The following GRIK3 variants were observed in gnomAD, a reference collection of about 807,000 sequenced individuals.
GRIK3 encodes the protein glutamate receptor ionotropic, kainate 3.
In GRIK3, 29 loss-of-function variants were observed where a neutral mutation model predicts 102.5. That is an observed-to-expected ratio of 0.28 (90% confidence interval 0.21 to 0.39). GRIK3 has a LOEUF of 0.39. Among genes scored for constraint, GRIK3 ranks in the 10% least tolerant of loss-of-function variants. The probability of loss-of-function intolerance (pLI) is 1.00; values close to 1 mark genes in which losing one functional copy is unlikely to be tolerated. For synonymous variants in GRIK3, 511 were observed against 504.9 expected (o/e 1.01, Z -0.16); for missense variants, 908 against 1,252.4 (o/e 0.73, Z 4.15).
Position 36,825,834 on chromosome 1 carries a change from C to A in GRIK3, c.1531-8G>T, listed in dbSNP as rs1209206782. On this transcript the variant is annotated splice_polypyrimidine_tract_variant and splice_region_variant and intron_variant, in intron 10 of 15. Transcript: ENST00000373091. Reference sequence around the variant, plus strand: ...CACGGCCAGATCTGCCTTCTGCAACCAGACAGAGAGAGAAAGACAGACTAT... The same window carrying A: ...CACGGCCAGATCTGCCTTCTGCAACAAGACAGAGAGAGAAAGACAGACTAT... 6.3e-7 allele frequency: 1 copy of A among 1,592,028 alleles called. No homozygotes were observed. The highest frequency in any genetic ancestry group is 1.3e-5 in the African/African-American group (1 of 74,260).
intron 1 of GRIK3, among the ~76,000 whole-genome samples, chr1:37,008,113 G>A (rs1272363069): frequency 6.6e-6 from 1 of 152,194 alleles, no homozygotes; most frequent in Non-Finnish European, 1.5e-5. Flanking sequence ...AGCACGCGGA[G>A]GGGCCTGGTT....
chr1:36,843,964 G>A (rs1393131671), intron 9 of GRIK3, among the ~76,000 whole-genome samples: 1 of 152,244 alleles, frequency 6.6e-6, no homozygotes, highest in Non-Finnish European at 1.5e-5. Context: ...GAGCCCCAGG[G>A]TGGGATGGGC....
intron 7 of GRIK3, among the ~76,000 whole-genome samples, chr1:36,856,409 C>T (rs1235960836): frequency 6.6e-6 from 1 of 152,240 alleles, no homozygotes; most frequent in Non-Finnish European, 1.5e-5. Flanking sequence ...AGCCACCGCT[C>T]AGGACTTGCT....
In GRIK3 at chr1:36,819,992, G is replaced by C; in HGVS notation, c.1755-138C>G. 1 of 603,916 alleles carries C rather than the reference G, an allele frequency of 1.7e-6. No individual in the cohort carries two copies. Among genetic ancestry groups the C allele is most frequent in the South Asian group, 2.1e-5 (1 of 48,640 alleles). The allele number at this position is 603,916 out of a possible 1,614,324, so 37.4% of individuals were successfully genotyped here. ...ATGGTTCTGCTGGGAGGCAGGGCAG[G>C]GGAATTTCTTCTTGTTCTTTATTGT... On this transcript the variant is annotated intron_variant, in intron 11 of 15. Coordinates refer to ENST00000373091, the MANE Select transcript of GRIK3 (RefSeq NM_000831.4). The surrounding 1 kb of genome is among the most constrained non-coding windows in gnomAD (Gnocchi z 4.1).
intron 1 of GRIK3, among the ~76,000 whole-genome samples, chr1:36,949,216 A>G (rs544682415): frequency 1.3e-5 from 2 of 152,190 alleles, no homozygotes; most frequent in Non-Finnish European, 2.9e-5. Context: ...TCTCAACTTC[A>G]TCTTGATCTT....
intron 9 of GRIK3, among the ~76,000 whole-genome samples, chr1:36,846,177 G>A (rs1257925460): frequency 6.6e-6 from 1 of 152,162 alleles, no homozygotes; most frequent in East Asian, 1.9e-4. Flanking sequence ...AACCAGAACA[G>A]AGGCTGGGGC....
At chr1:36,963,897 T>A (rs529399990) in intron 1 of GRIK3, among the ~76,000 whole-genome samples, 1 of 152,158 alleles carries the variant, frequency 6.6e-6, no homozygotes, top group Non-Finnish European at 1.5e-5. Flanking sequence ...GACCTGAGCC[T>A]CAGATTGTTT....
chr1:36,927,546 C>A (rs1247295451), intron 1 of GRIK3, among the ~76,000 whole-genome samples: 1 of 152,098 alleles, frequency 6.6e-6, no homozygotes, highest in Non-Finnish European at 1.5e-5. Flanking sequence ...GTGTTTGTGA[C>A]CTCCGTTCAT....
chr1:36,873,909 G>A (rs756345061), intron 3 of GRIK3, among the ~76,000 whole-genome samples: 46 of 152,126 alleles, frequency 3.0e-4, no homozygotes, highest in Non-Finnish European at 5.1e-4. Context: ...GGGTCCCCAC[G>A]TAGACCTCGA....
chr1:36,927,921 T>C (rs78098241), intron 1 of GRIK3, among the ~76,000 whole-genome samples: 16,447 of 151,950 alleles, frequency 0.11, 934 homozygotes, highest in Middle Eastern at 0.17. Context: ...AAAAAAAGAT[T>C]GTCTAGAATT....
At chr1:37,011,535 G>A (rs1203157883) in intron 1 of GRIK3, among the ~76,000 whole-genome samples, 3 of 152,186 alleles carry the variant, frequency 2.0e-5, no homozygotes, top group Non-Finnish European at 4.4e-5. Context: ...CCTGAAGTCA[G>A]GAGTCAGGAT....
chr1:37,004,718 G>A (rs1199475718), intron 1 of GRIK3, among the ~76,000 whole-genome samples: 3 of 152,356 alleles, frequency 2.0e-5, no homozygotes, highest in Non-Finnish European at 4.4e-5. Flanking sequence ...GGAAGAGATG[G>A]CACATGTGTG....
chr1:36,914,655 C>G (rs989348770), intron 1 of GRIK3, among the ~76,000 whole-genome samples: 1 of 152,198 alleles, frequency 6.6e-6, no homozygotes, highest in Admixed American at 6.5e-5. Flanking sequence ...CTCCCCAGCC[C>G]TGTGCACTAG....
chr1:37,004,067 C>T (rs1050444541), intron 1 of GRIK3, among the ~76,000 whole-genome samples: 17 of 152,136 alleles, frequency 1.1e-4, no homozygotes, highest in Non-Finnish European at 1.9e-4. Context: ...CTTAGACACA[C>T]GGACCCCAGA....
intron 15 of GRIK3, among the ~76,000 whole-genome samples, chr1:36,803,356 G>A (rs1642463005): frequency 6.6e-6 from 1 of 152,086 alleles, no homozygotes; most frequent in Non-Finnish European, 1.5e-5. Flanking sequence ...GAAGGAAGTG[G>A]GCAGAGAAGT....
At chr1:36,931,571 C>T (rs1310059430) in intron 1 of GRIK3, among the ~76,000 whole-genome samples, 1 of 152,140 alleles carries the variant, frequency 6.6e-6, no homozygotes, top group East Asian at 1.9e-4. Context: ...TGTTTTATTT[C>T]CCCAGTCTGT....
intron 1 of GRIK3, among the ~76,000 whole-genome samples, chr1:36,995,879 G>A (rs547647957): frequency 6.6e-6 from 1 of 152,314 alleles, no homozygotes; most frequent in South Asian, 2.1e-4. Flanking sequence ...TTCTCATCAT[G>A]CCCCTTCACC....
chr1:36,980,341 C>T (rs559129026), intron 1 of GRIK3, among the ~76,000 whole-genome samples: 113 of 152,140 alleles, frequency 7.4e-4, no homozygotes, highest in African/African-American at 2.7e-3. Flanking sequence ...CCCTGCCTTG[C>T]ACACTGTGTT....
At chr1:36,911,515 A>T (rs902473690) in intron 1 of GRIK3, among the ~76,000 whole-genome samples, 4 of 152,168 alleles carry the variant, frequency 2.6e-5, no homozygotes, top group African/African-American at 9.7e-5. Context: ...AGCTGTAGGC[A>T]GGCATCCAGA....
Sources: allele counts gnomAD v4.1 joint callset (sites outside exome capture counted in the v4.1 genomes callset), GRCh38; gene constraint gnomAD v4.1.1; non-coding constraint Gnocchi (gnomAD v3.1); transcripts MANE v1.5; gene names NCBI Gene and HGNC (gene_info 2026-07-23, HGNC 2026-07-21).